ZDHHC2: variants seen among roughly 807,000 people sequenced by gnomAD.
ZDHHC2 encodes the protein zDHHC palmitoyltransferase 2, also known as palmitoyltransferase ZDHHC2.
ZDHHC2 carries 51 observed loss-of-function variants against 55.6 expected under a neutral mutation model. That is an observed-to-expected ratio of 0.92 (90% CI 0.73 to 1.16). The LOEUF is 1.16. ZDHHC2 is among the 50% of genes most tolerant of loss of function. The pLI, the probability that ZDHHC2 is intolerant of heterozygous loss-of-function variation, is 0.00. For synonymous variants in ZDHHC2, 199 were observed against 152.9 expected (o/e 1.30, Z -2.22); for missense variants, 491 against 442.4 (o/e 1.11, Z -0.99).
intron 1 of ZDHHC2, among the ~76,000 whole-genome samples, chr8:17,161,176 C>T (rs1804326092): frequency 1.3e-5 from 2 of 152,172 alleles, no homozygotes; most frequent in South Asian, 4.1e-4. Flanking sequence ...TCATTGAAGG[C>T]CACTGCAGGC....
intron 1 of ZDHHC2, among the ~76,000 whole-genome samples, chr8:17,180,745 G>A (rs1325729562): frequency 2.0e-5 from 3 of 152,234 alleles, no homozygotes; most frequent in Non-Finnish European, 1.5e-5. Flanking sequence ...AGTGGCAGAG[G>A]CAGGATTGGA....
chr8:17,193,430 G>A (rs562294514), intron 3 of ZDHHC2, among the ~76,000 whole-genome samples: 16 of 152,382 alleles, frequency 1.0e-4, no homozygotes, highest in African/African-American at 3.8e-4. Flanking sequence ...AGCTGGTGGA[G>A]GGGTGACATG....
chr8:17,169,015 C>G (rs1449282431), intron 1 of ZDHHC2, among the ~76,000 whole-genome samples: 1 of 151,972 alleles, frequency 6.6e-6, no homozygotes, highest in Admixed American at 6.6e-5. Context: ...TGTTTGAGTC[C>G]CTGCTTTAAA....
At chr8:17,200,846 A>G (rs1474399947) in intron 6 of ZDHHC2, among the ~76,000 whole-genome samples, 2 of 152,118 alleles carry the variant, frequency 1.3e-5, no homozygotes, top group East Asian at 3.9e-4. Flanking sequence ...CAGTGTGGGA[A>G]GGTGAATGAA....
chr8:17,196,193 C>T (rs947147857), intron 4 of ZDHHC2, among the ~76,000 whole-genome samples: 1 of 151,930 alleles, frequency 6.6e-6, no homozygotes, highest in African/African-American at 2.4e-5. Context: ...TGTCTTAAAA[C>T]TGATGTATAT....
intron 1 of ZDHHC2, among the ~76,000 whole-genome samples, chr8:17,176,599 T>C (rs1295341248): frequency 6.6e-6 from 1 of 152,136 alleles, no homozygotes; most frequent in East Asian, 1.9e-4. Context: ...ATCACACATA[T>C]TGGGAGGATT....
At chr8:17,216,944 A>G (rs1456087484) in intron 11 of ZDHHC2, among the ~76,000 whole-genome samples, 2 of 151,898 alleles carry the variant, frequency 1.3e-5, no homozygotes, top group Admixed American at 1.3e-4. Context: ...TCAGATGTCT[A>G]TTTCTGTTTT....
intron 1 of ZDHHC2, among the ~76,000 whole-genome samples, chr8:17,161,332 A>G (rs866863237): frequency 2.6e-5 from 4 of 152,198 alleles, no homozygotes; most frequent in Non-Finnish European, 4.4e-5. Context: ...TACTTAAACT[A>G]TTACTTTAAA....
chr8:17,193,736 T>C (rs1170232552), intron 3 of ZDHHC2, among the ~76,000 whole-genome samples: 1 of 152,192 alleles, frequency 6.6e-6, no homozygotes, highest in African/African-American at 2.4e-5. Flanking sequence ...CCTGTTCCCA[T>C]TTTTTAAATG....
intron 3 of ZDHHC2, 34 bp downstream of exon 3, chr8:17,186,459 A>G (rs747347976): frequency 1.6e-6 from 2 of 1,261,908 alleles, no homozygotes; most frequent in Admixed American, 3.0e-5. Flanking sequence ...TATTCTAATA[A>G]TAGAAATCAA....
chr8:17,214,458 T>A (rs1191473455), intron 10 of ZDHHC2, among the ~76,000 whole-genome samples: 1 of 152,218 alleles, frequency 6.6e-6, no homozygotes, highest in Non-Finnish European at 1.5e-5. Flanking sequence ...AACTTTGTCT[T>A]CCTACCATCA....
intron 12 of ZDHHC2, among the ~76,000 whole-genome samples, chr8:17,218,426 C>G (rs760949762): frequency 4.0e-5 from 6 of 151,896 alleles, no homozygotes; most frequent in Non-Finnish European, 7.4e-5. Context: ...TCATCAGTTG[C>G]AATAACCATT....
At chr8:17,189,893 C>T (rs1805930769) in intron 3 of ZDHHC2, among the ~76,000 whole-genome samples, 1 of 152,102 alleles carries the variant, frequency 6.6e-6, no homozygotes, top group Non-Finnish European at 1.5e-5. Context: ...GAGCCACTGG[C>T]TTTGAACATG....
In ZDHHC2 at chr8:17,215,248, A is replaced by T; in HGVS notation, c.962A>T (p.His321Leu). 6.3e-7 allele frequency: 1 copy of T among 1,595,794 alleles called. No homozygotes were observed. The highest frequency in any genetic ancestry group is 8.5e-7 in the Non-Finnish European group (1 of 1,171,122). Residue 321 changes from histidine (H) to leucine (L), a missense_variant, in exon 11 of 13, where the codon CAT becomes CTT. His to Leu is a moderately conservative substitution (Grantham distance 99, BLOSUM62 -3). Transcript: ENST00000262096. ...LNSTAKNLEN[H>L]QFPAKPLRES... ...CAATTATTATTCAGTCTCGAAAACC[A>T]TCAGTTTCCTGCAAAGCCATTGAGA...
chr8:17,166,026 G>A (rs1804582770), intron 1 of ZDHHC2, among the ~76,000 whole-genome samples: 1 of 152,224 alleles, frequency 6.6e-6, no homozygotes, highest in Admixed American at 6.5e-5. Context: ...GATGTGGGGA[G>A]AAAGCAGAGA....
At chr8:17,164,146 A>G (rs1804491174) in intron 1 of ZDHHC2, among the ~76,000 whole-genome samples, 1 of 152,210 alleles carries the variant, frequency 6.6e-6, no homozygotes, top group Non-Finnish European at 1.5e-5. Flanking sequence ...CAAAATGATA[A>G]TATCACACTT....
chr8:17,157,060 G>A (rs1313075395), intron 1 of ZDHHC2, among the ~76,000 whole-genome samples: 3 of 152,012 alleles, frequency 2.0e-5, no homozygotes, highest in Non-Finnish European at 2.9e-5. Context: ...CCAACTCTCG[G>A]GTTAAGGTGG....
chr8:17,206,344 G>T (rs2904675), intron 7 of ZDHHC2, among the ~76,000 whole-genome samples: 5 of 152,148 alleles, frequency 3.3e-5, no homozygotes, highest in Non-Finnish European at 5.9e-5. Flanking sequence ...AATAAGGTGC[G>T]TTTAAGTAGA....
At chr8:17,165,188 C>T (rs997528086) in intron 1 of ZDHHC2, among the ~76,000 whole-genome samples, 3 of 152,200 alleles carry the variant, frequency 2.0e-5, no homozygotes, top group Non-Finnish European at 4.4e-5. Context: ...GAGTCTCACA[C>T]TGAAAGTCAT....
Sources: gnomAD v4.1 joint callset for allele counts (sites outside exome capture counted in the v4.1 genomes callset) on GRCh38, gnomAD v4.1.1 for gene constraint, MANE v1.5 for transcripts, NCBI Gene and HGNC (gene_info 2026-07-23, HGNC 2026-07-21) for gene names.